Variants in GPA33 observed in about 807,000 individuals in gnomAD.
The protein encoded by GPA33 is glycoprotein A33.
In GPA33, 27 loss-of-function variants were observed where a neutral mutation model predicts 35.6. The observed-to-expected ratio is 0.76, with a 90% CI of 0.56 to 1.04. GPA33 has a LOEUF of 1.04. GPA33 is among the 50% of genes least tolerant of loss of function. GPA33 has a pLI of 0.00. For synonymous variants in GPA33, 176 were observed against 164.0 expected, an observed-to-expected ratio of 1.07 and a Z score of -0.56; for missense variants, 428 against 411.9, an observed-to-expected ratio of 1.04 and a Z score of -0.34.
chr1:167,073,932 G>C (rs968211079), intron 1 of GPA33, among the ~76,000 whole-genome samples: 2 of 151,952 alleles, frequency 1.3e-5, no homozygotes, highest in Admixed American at 6.6e-5. Context: ...ACTCCCTGGC[G>C]CATAGAAAAC....
intron 1 of GPA33, among the ~76,000 whole-genome samples, chr1:167,079,611 T>C (rs1478960817): frequency 2.0e-5 from 3 of 152,242 alleles, no homozygotes; most frequent in Admixed American, 6.5e-5. Context: ...TGAGGCACAC[T>C]TACATTTTCC....
chr1:167,054,473 G>C lies in GPA33; in HGVS notation c.828-7C>G, dbSNP rs779396234. 21 of 1,614,024 alleles carry C rather than the reference G, an allele frequency of 1.3e-5. No homozygotes were observed. The East Asian group carries it at 2.2e-4, about 17-fold the overall frequency. ...CTCATAGGCTTCCCGGTTCCTGCAG[G>C]GCAGCAGGGGACAGAGGGGAAGGAT... On this transcript the variant is annotated splice_region_variant and splice_polypyrimidine_tract_variant and intron_variant, in intron 6 of 6. Transcript: ENST00000367868.
intron 2 of GPA33, 71 bp downstream of exon 2, chr1:167,073,314 C>T (rs1342837547): frequency 2.2e-5 from 29 of 1,296,776 alleles, no homozygotes; most frequent in African/African-American, 4.4e-5. Flanking sequence ...CTTCATAGTG[C>T]TTGCCTTCTA....
intron 2 of GPA33, among the ~76,000 whole-genome samples, chr1:167,070,703 C>T (rs1666701085): frequency 6.6e-6 from 1 of 152,146 alleles, no homozygotes; most frequent in Non-Finnish European, 1.5e-5. Flanking sequence ...GTTAAGAAAC[C>T]AGTTTAACAA....
At chr1:167,071,056 A>G (rs1174251626) in intron 2 of GPA33, among the ~76,000 whole-genome samples, 1 of 152,088 alleles carries the variant, frequency 6.6e-6, no homozygotes, top group Non-Finnish European at 1.5e-5. Context: ...GCAACTGGGG[A>G]TGAAGGTTTG....
chr1:167,085,030 C>T (rs1667022148), intron 1 of GPA33, among the ~76,000 whole-genome samples: 1 of 152,124 alleles, frequency 6.6e-6, no homozygotes, highest in Admixed American at 6.5e-5. Context: ...TTTCAGTGTT[C>T]CACAAATCTA....
intron 4 of GPA33, among the ~76,000 whole-genome samples, chr1:167,062,903 G>A (rs533105797): frequency 5.3e-5 from 8 of 152,146 alleles, no homozygotes; most frequent in Non-Finnish European, 8.8e-5. Context: ...CCACCTTTGC[G>A]TGGAGCCCCC....
Position 167,055,080 on chromosome 1 carries a change from G to A in GPA33, c.723C>T (p.Ile241=), listed in dbSNP as rs1229033619. The change falls in exon 6 of 7, where the codon ATC becomes ATT. Residue 241 remains isoleucine, a synonymous_variant. Transcript: ENST00000367868. ...TGAGGGCTGCAACCACGCCCACCGC[G>A]ATGCCCACATACAGGGCCACGTTCA... ...PSMNVALYVG[I]AVGVVAALII... 3.7e-6 allele frequency: 6 copies of A among 1,613,442 alleles called. No homozygotes were observed. The highest frequency in any genetic ancestry group is 2.7e-5 in the African/African-American group (2 of 74,922).
intron 3 of GPA33, among the ~76,000 whole-genome samples, chr1:167,067,807 GA>G (rs1666632400): frequency 6.6e-6 from 1 of 152,118 alleles, no homozygotes; most frequent in African/African-American, 2.4e-5. Context: ...AAAAAACGCA[GA>G]GTGATCTTTA....
chr1:167,070,158 G>A (rs975265718), intron 2 of GPA33, among the ~76,000 whole-genome samples: 7 of 152,186 alleles, frequency 4.6e-5, no homozygotes, highest in African/African-American at 1.7e-4. Flanking sequence ...TAGGATAAAG[G>A]TGTTGGGCAT....
chr1:167,086,963 T>C (rs1164103060), intron 1 of GPA33, among the ~76,000 whole-genome samples: 1 of 152,140 alleles, frequency 6.6e-6, no homozygotes, highest in African/African-American at 2.4e-5. Flanking sequence ...TCAGTGACTT[T>C]TGTCTCCTGG....
At chr1:167,058,427 G>A (rs1376392819) in intron 4 of GPA33, 1 of 152,144 alleles carries the variant, frequency 6.6e-6, no homozygotes, top group Non-Finnish European at 1.5e-5. Flanking sequence ...TCAAGATGGA[G>A]GTACTATCTG....
chr1:167,055,047 A>AC lies in GPA33; in HGVS notation c.755_756insG (p.Ile252MetfsTer18), dbSNP rs1558000711. ...AGCAGCAGCAGTAGATGATGATGCCAATGATAATGAGGGCTGCAACCACGC... is the reference window on the plus strand; with the variant it reads ...AGCAGCAGCAGTAGATGATGATGCCACATGATAATGAGGGCTGCAACCACGC... On this transcript the variant is annotated frameshift_variant, in exon 6 of 7. Transcript: ENST00000367868. LOFTEE classifies it high-confidence loss of function. 6.2e-7 allele frequency: 1 copy of AC among 1,613,926 alleles called. No individual in the cohort carries two copies. The highest frequency in any genetic ancestry group is 8.5e-7 in the Non-Finnish European group (1 of 1,179,980).
intron 1 of GPA33, among the ~76,000 whole-genome samples, chr1:167,077,358 G>C (rs922055167): frequency 6.6e-6 from 1 of 152,110 alleles, no homozygotes; most frequent in African/African-American, 2.4e-5. Flanking sequence ...TTTCTCATAT[G>C]CCTGGTGTAG....
rs892962514 is a variant in GPA33 at position 167,054,072 on chromosome 1, G to T, written c.*262C>A. On this transcript the variant is annotated 3_prime_UTR_variant, in exon 7 of 7. Transcript: ENST00000367868. ...ACGAGGGAAGTGGAGGCTGCAGCCT[G>T]GTCTTGAGTGAGGGCCAGGCCCGCA... The T allele has an allele frequency of 1.3e-4, 63 of 496,126 alleles. No individual in the cohort carries two copies. The highest frequency in any genetic ancestry group is 2.1e-4 in the Non-Finnish European group (58 of 275,782). The allele number at this position is 496,126 out of a possible 1,614,324, so 30.7% of individuals were successfully genotyped here.
chr1:167,055,754 T>A lies in GPA33; in HGVS notation c.667A>T (p.Asn223Tyr), dbSNP rs1465141505. 5 of 1,613,948 alleles carry A rather than the reference T, an allele frequency of 3.1e-6. No individual in the cohort carries two copies. Among genetic ancestry groups the A allele is most frequent in the Non-Finnish European group, 8.5e-7 (1 of 1,179,950 alleles). The part of the protein sequence containing the change: ...SSNEEGTQFC[N>Y]ITVAVRSPSM... ...CGAGATCTGACGGCCACCGTGATGT[T>A]GCAGAACTGCGTCCCCTCCTCATTG... is the stretch of plus-strand genomic sequence containing the variant. Residue 223 changes from asparagine (N) to tyrosine (Y), a missense_variant, in exon 5 of 7, where the codon AAC (asparagine) becomes TAC (tyrosine). Transcript: ENST00000367868.
At position 167,054,298 on chromosome 1, in the gene GPA33, CT is replaced by C; in HGVS notation, c.*35del. On this transcript the variant is annotated 3_prime_UTR_variant, in exon 7 of 7. Transcript: ENST00000367868. The stretch of plus-strand genomic sequence containing the variant: ...GGCCAGGAAGCGGGAGAATGAACCC[CT>C]AACCCTTCCTCCGCCGCCCTCTGCT... 6.2e-7 allele frequency: 1 copy of C among 1,612,762 alleles called. No homozygotes were observed. Among genetic ancestry groups the C allele is most frequent in the African/African-American group, 1.3e-5 (1 of 75,014 alleles).
intron 4 of GPA33, among the ~76,000 whole-genome samples, chr1:167,063,367 C>A (rs142831210): frequency 2.7e-4 from 41 of 152,310 alleles, no homozygotes; most frequent in African/African-American, 9.4e-4. Flanking sequence ...TGAGATCGTG[C>A]CAACTGCACT....
intron 1 of GPA33, among the ~76,000 whole-genome samples, chr1:167,087,200 A>C (rs898827571): frequency 2.6e-5 from 4 of 152,114 alleles, no homozygotes; most frequent in African/African-American, 9.7e-5. Flanking sequence ...CTTTCTTGGC[A>C]CGTGTCTGCC....
Sources: allele counts gnomAD v4.1 joint callset (sites outside exome capture counted in the v4.1 genomes callset), GRCh38; gene constraint gnomAD v4.1.1; transcripts MANE v1.5; gene names NCBI Gene and HGNC (gene_info 2026-07-23, HGNC 2026-07-21).